DSEL: variants seen among roughly 807,000 people sequenced by gnomAD.
The protein encoded by DSEL is dermatan sulfate epimerase like, also known as dermatan-sulfate epimerase-like protein.
Under a neutral mutation model 96.6 loss-of-function variants are expected in DSEL, and 61 were observed. The observed-to-expected ratio is 0.63, with a 90% confidence interval of 0.51 to 0.78. The LOEUF (loss-of-function observed/expected upper bound fraction) is 0.78. DSEL is among the 30% of genes least tolerant of loss of function. DSEL has a pLI of 0.00. For synonymous variants in DSEL, 514 were observed against 502.0 expected, an observed-to-expected ratio of 1.02 and a Z score of -0.32; for missense variants, 1,320 against 1,430.8, an observed-to-expected ratio of 0.92 and a Z score of 1.25.
rs369820448 is a variant in DSEL at position 67,514,375 on chromosome 18, C to T, written c.234G>A (p.Lys78=). ...AAAGATGCAAATGGCTTGCACGAGACTTTTGTCTCATTGCTTGGATTTCTC... is the reference window on the plus strand; with the variant it reads ...AAAGATGCAAATGGCTTGCACGAGATTTTTGTCTCATTGCTTGGATTTCTC... ...DAGEIQAMRQ[K]SRASHLHLFR... is the part of the protein sequence containing the mutation. Residue 78 remains lysine (K), a synonymous_variant, in exon 2 of 2, where the codon AAG becomes AAA. Transcript: ENST00000310045. 9 of 1,614,178 alleles carry T rather than the reference C, an allele frequency of 5.6e-6. No individual in the cohort carries two copies. Among genetic ancestry groups the T allele is most frequent in the Non-Finnish European group, 6.8e-6 (8 of 1,180,028 alleles).
At position 67,516,682 on chromosome 18, in the gene DSEL, G is replaced by C. The variant is rs1480671; in HGVS notation, c.-1206C>G. On this transcript the variant is annotated 5_prime_UTR_variant, in exon 1 of 2. Transcript: ENST00000310045. The surrounding 1 kb of genome is among the most constrained non-coding windows in gnomAD (Gnocchi z 5.6). ...GCCGTATCCAGAGCAGCGCCCGCGT[G>C]CCCAGGCGGTGATGTCGCCGCGGCC... 48,491 of 150,650 alleles carry C rather than the reference G, an allele frequency of 0.32. 8,161 individuals carry two copies. Among genetic ancestry groups the C allele is most frequent in the South Asian group, 0.44 (2,077 of 4,750 alleles). The allele number at this position is 150,650 out of a possible 1,614,324, so 9.3% of individuals were successfully genotyped here. A position where few individuals can be genotyped will look rare whatever the true frequency, so the allele number is the denominator to read the frequency against.
In DSEL at chr18:67,511,157, G is replaced by A; in HGVS notation, c.3452C>T (p.Pro1151Leu). 2.5e-6 allele frequency: 4 copies of A among 1,614,100 alleles called. No individual in the cohort carries two copies. The highest frequency in any genetic ancestry group is 3.3e-4 in the Middle Eastern group (2 of 6,060). ...AAACAATATTTGGTTTAAACTAGCAGGAGACAAAGGAATTCCAAGAAAGGC... is the reference window on the plus strand; with the variant it reads ...AAACAATATTTGGTTTAAACTAGCAAGAGACAAAGGAATTCCAAGAAAGGC... ...IFAFLGIPLS[P>L]ASLNQILFAT... Residue 1151 changes from proline to leucine, a missense_variant, in exon 2 of 2, where the codon CCT becomes CTT. Pro to Leu is a moderately conservative substitution (Grantham distance 98). Transcript: ENST00000310045.
At chr18:67,515,578 A>ATCACT (rs2089470996) in intron 1 of DSEL, 86 bp from the exon 2 acceptor site, 1 of 157,392 alleles carries the variant, frequency 6.4e-6, no homozygotes, top group Non-Finnish European at 1.5e-5. Context: ...ACATTCTGCA[A>ATCACT]TCACTTAATA....
In DSEL at chr18:67,511,667, T is replaced by C. The variant is rs757975228; in HGVS notation, c.2942A>G (p.Asp981Gly). 1 of 1,614,146 alleles carries C rather than the reference T, an allele frequency of 6.2e-7. No homozygotes were observed. Among genetic ancestry groups the C allele is most frequent in the Non-Finnish European group, 8.5e-7 (1 of 1,180,012 alleles). ...RSQMKGAFDR[D>G]AEYIRALRRH... is the part of the protein sequence containing the mutation. ...CCTCAAAGCCCTAATATATTCAGCATCTCTATCAAAGGCGCCTTTCATTTG... is the reference window on the plus strand; with the variant it reads ...CCTCAAAGCCCTAATATATTCAGCACCTCTATCAAAGGCGCCTTTCATTTG... Residue 981 changes from aspartate to glycine, a missense_variant, in exon 2 of 2, where the codon GAT becomes GGT. Transcript: ENST00000310045.
chr18:67,511,243 G>C lies in DSEL; in HGVS notation c.3366C>G (p.Tyr1122Ter). The C allele has an allele frequency of 6.2e-7, 1 of 1,613,050 alleles. No homozygotes were observed. Among genetic ancestry groups the C allele is most frequent in the Non-Finnish European group, 8.5e-7 (1 of 1,180,006 alleles). The part of the protein sequence containing the change: ...RINTDLLPTS[Y>*]QLVKFEDIVH... ...CAATATCTTCAAACTTGACCAGCTG[G>C]TAGCTAGTAGGCAGCAAATCTGTAT... Residue 1122 changes from tyrosine (Y) to a stop codon, truncating the protein, a stop_gained, in exon 2 of 2, where the codon TAC (tyrosine) becomes TAG (stop). Transcript: ENST00000310045. LOFTEE classifies it high-confidence loss of function.
rs773918044 is a variant in DSEL at position 67,511,393 on chromosome 18, G to C, written c.3216C>G (p.Asn1072Lys). Residue 1072 changes from asparagine (N) to lysine (K), a missense_variant, in exon 2 of 2, where the codon AAC becomes AAG. Coordinates refer to ENST00000310045, the MANE Select transcript of DSEL (RefSeq NM_032160.3). ...FKIEGGKGKC[N>K]LNSGYAFEYE... ...ACTCGAAAGCATAACCCGAATTTAA[G>C]TTACATTTGCCTTTACCTCCCTCTA... The C allele has an allele frequency of 1.1e-5, 17 of 1,603,136 alleles. No homozygotes were observed. The highest frequency in any genetic ancestry group is 1.4e-5 in the Non-Finnish European group (16 of 1,179,946).
Position 67,513,833 on chromosome 18 carries a change from T to C in DSEL, c.776A>G (p.Glu259Gly). Residue 259 changes from glutamate (E) to glycine (G), a missense_variant, in exon 2 of 2, where the codon GAA (glutamate) becomes GGA (glycine). Glu to Gly is a moderately conservative substitution (Grantham distance 98, BLOSUM62 -2). Transcript: ENST00000310045. The stretch of plus-strand genomic sequence containing the variant: ...ATGATTCAATAGAAACATTGTCTTT[T>C]CCATGACATCCACTACAGCCTGTTT... ...IWKQAVVDVM[E>G]KTMFLLNHIV... 6.2e-7 allele frequency: 1 copy of C among 1,614,198 alleles called. No homozygotes were observed. The highest frequency in any genetic ancestry group is 8.5e-7 in the Non-Finnish European group (1 of 1,180,036).
At position 67,511,908 on chromosome 18, in the gene DSEL, C is replaced by T. The variant is rs764088790; in HGVS notation, c.2701G>A (p.Val901Ile). ...GACACCTTCCATTCACAAGCATCTA[C>T]AAATGAGTCGATTTCCAACTCAGTT... ...PETELEIDSF[V>I]DACEWKVSDI... is the part of the protein sequence containing the mutation. The change falls in exon 2 of 2, where the codon GTA becomes ATA. Residue 901 changes from valine (V) to isoleucine (I), a missense_variant. Physicochemically the swap from Val to Ile is conservative, Grantham distance 29 (BLOSUM62 3). Around this residue, in one of 3 missense-constraint regions of DSEL, gnomAD observed 986 missense variants for 1,066.4 expected, o/e 0.92. Coordinates refer to ENST00000310045, the MANE Select transcript of DSEL (RefSeq NM_032160.3). 7 of 1,614,060 alleles carry T rather than the reference C, an allele frequency of 4.3e-6. No homozygotes were observed. The highest frequency in any genetic ancestry group is 2.7e-5 in the African/African-American group (2 of 74,932).
chr18:67,512,859 C>T lies in DSEL; in HGVS notation c.1750G>A (p.Val584Ile), dbSNP rs776060679. The change falls in exon 2 of 2, where the codon GTT (valine) becomes ATT (isoleucine). Residue 584 changes from valine (V) to isoleucine (I), a missense_variant. Val to Ile is a conservative substitution (Grantham distance 29). This residue lies in a region of DSEL where 986 missense variants were observed against 1,066.4 expected (regional missense o/e 0.92). Transcript: ENST00000310045. ...LLLNSQTLLV[V>I]DHIERQEDSP... ...TCTTCTTGCCTCTCAATATGATCAA[C>T]AACTAGCAGAGTTTGGGAATTTAAG... The T allele has an allele frequency of 1.2e-6, 2 of 1,614,018 alleles. No individual in the cohort carries two copies. The highest frequency in any genetic ancestry group is 1.3e-5 in the African/African-American group (1 of 74,936).
At position 67,512,790 on chromosome 18, in the gene DSEL, T is replaced by C. The variant is rs1226744685; in HGVS notation, c.1819A>G (p.Ile607Val). 4 of 1,613,950 alleles carry C rather than the reference T, an allele frequency of 2.5e-6. No homozygotes were observed. Among genetic ancestry groups the C allele is most frequent in the South Asian group, 2.2e-5 (2 of 91,072 alleles). Residue 607 changes from isoleucine (I) to valine (V), a missense_variant, in exon 2 of 2, where the codon ATT (isoleucine) becomes GTT (valine). Coordinates refer to ENST00000310045, the MANE Select transcript of DSEL (RefSeq NM_032160.3). ...TTATATGGGATATATTTAAAATCAA[T>C]ATCCAAATTATGAAAGAAGGCACTG... ...SVSAFFHNLDIDFKYIPYKFM... is the reference protein window; with the variant it reads ...SVSAFFHNLDVDFKYIPYKFM...
In DSEL at chr18:67,514,631, T is replaced by A. The variant is rs1349014121; in HGVS notation, c.-23A>T. 1.9e-6 allele frequency: 3 copies of A among 1,611,564 alleles called. No individual in the cohort carries two copies. Among genetic ancestry groups the A allele is most frequent in the Non-Finnish European group, 2.5e-6 (3 of 1,178,794 alleles). On this transcript the variant is annotated 5_prime_UTR_variant, in exon 2 of 2. In the 5' UTR this introduces an upstream ATG that the reference lacks. Coordinates refer to ENST00000310045, the MANE Select transcript of DSEL (RefSeq NM_032160.3). ...CATGATCCATGGGGGAGCTCCTCCC[T>A]TAGGCATACATGTCAGATATGATGC...
chr18:67,511,482 T>G lies in DSEL; in HGVS notation c.3127A>C (p.Asn1043His), dbSNP rs749114153. The G allele has an allele frequency of 1.9e-6, 3 of 1,611,928 alleles. No individual in the cohort carries two copies. The African/African-American group carries it at 4.0e-5, about 21-fold the overall frequency. The change falls in exon 2 of 2, where the codon AAT (asparagine) becomes CAT (histidine). Residue 1043 changes from asparagine to histidine, a missense_variant. Physicochemically the swap from Asn to His is moderately conservative, Grantham distance 68 (BLOSUM62 1). This residue lies in a region of DSEL where 986 missense variants were observed against 1,066.4 expected (regional missense o/e 0.92). Coordinates refer to ENST00000310045, the MANE Select transcript of DSEL (RefSeq NM_032160.3). ...AAAGAATAAAGACTTGGTTTACTAT[T>G]GTACAACATTGAATAAATCCATGCC... ...PRAWIYSMLY[N>H]SKPSLYSLKN...
In DSEL at chr18:67,511,472, G is replaced by A. The variant is rs2089441882; in HGVS notation, c.3137C>T (p.Pro1046Leu). The A allele has an allele frequency of 6.2e-7, 1 of 1,610,524 alleles. No homozygotes were observed. Among genetic ancestry groups the A allele is most frequent in the Admixed American group, 1.7e-5 (1 of 60,014 alleles). The part of the protein sequence containing the change: ...WIYSMLYNSK[P>L]SLYSLKNVPE... ...TACATTCTTCAAAGAATAAAGACTT[G>A]GTTTACTATTGTACAACATTGAATA... Residue 1046 changes from proline (P) to leucine (L), a missense_variant, in exon 2 of 2, where the codon CCA becomes CTA. Physicochemically the swap from Pro to Leu is moderately conservative, Grantham distance 98. Around this residue, in one of 3 missense-constraint regions of DSEL, gnomAD observed 986 missense variants for 1,066.4 expected, o/e 0.92. Coordinates refer to ENST00000310045, the MANE Select transcript of DSEL (RefSeq NM_032160.3).
rs1197328981 is a variant in DSEL, at chr18:67,509,798, A to T, written c.*1172T>A. The T allele has an allele frequency of 6.6e-6, 1 of 152,630 alleles. No homozygotes were observed. Among genetic ancestry groups the T allele is most frequent in the Non-Finnish European group, 1.5e-5 (1 of 68,028 alleles). The allele number at this position is 152,630 out of a possible 1,614,324, so 9.5% of individuals were successfully genotyped here. A position where few individuals can be genotyped will look rare whatever the true frequency, so the allele number is the denominator to read the frequency against. Reference sequence around the variant, plus strand: ...TAATGGCGTAGCATTTTGATTTCAGAGCCTACCAAAATAAAATAAACCACA... The same window carrying T: ...TAATGGCGTAGCATTTTGATTTCAGTGCCTACCAAAATAAAATAAACCACA... On this transcript the variant is annotated 3_prime_UTR_variant, in exon 2 of 2. Transcript: ENST00000310045.
At position 67,512,077 on chromosome 18, in the gene DSEL, A is replaced by C. The variant is rs770039428; in HGVS notation, c.2532T>G (p.Ser844=). The change falls in exon 2 of 2, where the codon TCT becomes TCG. Residue 844 remains serine (S), a synonymous_variant. Transcript: ENST00000310045. ...TEAEGSKKSL[S]SEGHHMDLPD... is the part of the protein sequence containing the mutation. The stretch of plus-strand genomic sequence containing the variant: ...GAAGATCCATGTGGTGCCCTTCAGA[A>C]GACAAAGACTTCTTGCTTCCCTCAG... 2 of 1,614,184 alleles carry C rather than the reference A, an allele frequency of 1.2e-6. No homozygotes were observed. Among genetic ancestry groups the C allele is most frequent in the Admixed American group, 3.3e-5 (2 of 60,016 alleles).
At position 67,510,362 on chromosome 18, in the gene DSEL, TC is replaced by T. The variant is rs1401397889; in HGVS notation, c.*607del. The T allele has an allele frequency of 4.6e-5, 7 of 152,304 alleles. No individual in the cohort carries two copies. Among genetic ancestry groups the T allele is most frequent in the Admixed American group, 6.5e-5 (1 of 15,294 alleles). 9.4% of individuals were successfully genotyped at this position (152,304 alleles called of 1,614,324 possible). A position where few individuals can be genotyped will look rare whatever the true frequency, so the allele number is the denominator to read the frequency against. ...AGGCTTTTAAAGTCAGTTTCCGACC[TC>T]AAAAAAACATATTCATTCTGTATTT... On this transcript the variant is annotated 3_prime_UTR_variant, in exon 2 of 2. Coordinates refer to ENST00000310045, the MANE Select transcript of DSEL (RefSeq NM_032160.3).
rs1324559637 is a variant in DSEL at position 67,508,448 on chromosome 18, C to G, written c.*2522G>C. On this transcript the variant is annotated 3_prime_UTR_variant, in exon 2 of 2. Coordinates refer to ENST00000310045, the MANE Select transcript of DSEL (RefSeq NM_032160.3). ...CAGCAAACTTTCTATTTTAGAATAACTAAATAGTAGGGTTCATGTCTAAAA... is the reference window on the plus strand; with the variant it reads ...CAGCAAACTTTCTATTTTAGAATAAGTAAATAGTAGGGTTCATGTCTAAAA... The G allele has an allele frequency of 1.3e-5, 2 of 152,180 alleles. No homozygotes were observed. The highest frequency in any genetic ancestry group is 6.6e-5 in the Admixed American group (1 of 15,266). 9.4% of individuals were successfully genotyped at this position (152,180 alleles called of 1,614,324 possible). A position where few individuals can be genotyped will look rare whatever the true frequency, so the allele number is the denominator to read the frequency against.
rs1326427799 is a variant in DSEL, at chr18:67,513,267, T to A, written c.1342A>T (p.Ile448Leu). The A allele has an allele frequency of 1.2e-6, 2 of 1,614,198 alleles. No homozygotes were observed. Among genetic ancestry groups the A allele is most frequent in the African/African-American group, 1.3e-5 (1 of 75,050 alleles). Residue 448 changes from isoleucine to leucine, a missense_variant, in exon 2 of 2, where the codon ATA becomes TTA. By Grantham distance (5) the Ile-to-Leu change is conservative. Transcript: ENST00000310045. ...GKLGGRAVYD[I>L]VHFQPYSWID... is the part of the protein sequence containing the mutation. ...CAGGAATATGGCTGAAAATGAACTATGTCATACACAGCTCGTCCCCCCAGC... is the reference window on the plus strand; with the variant it reads ...CAGGAATATGGCTGAAAATGAACTAAGTCATACACAGCTCGTCCCCCCAGC...
rs1274105369 is a variant in DSEL at position 67,511,405 on chromosome 18, T to G, written c.3204A>C (p.Lys1068Asn). 1 of 1,603,672 alleles carries G rather than the reference T, an allele frequency of 6.2e-7. No individual in the cohort carries two copies. Among genetic ancestry groups the G allele is most frequent in the Non-Finnish European group, 8.5e-7 (1 of 1,179,962 alleles). The stretch of plus-strand genomic sequence containing the variant: ...AACCCGAATTTAAGTTACATTTGCC[T>G]TTACCTCCCTCTATTTTAAACAATT... ...LAKLFKIEGG[K>N]GKCNLNSGYA... The change falls in exon 2 of 2, where the codon AAA (lysine) becomes AAC (asparagine). Residue 1068 changes from lysine (K) to asparagine (N), a missense_variant. Around this residue, in one of 3 missense-constraint regions of DSEL, gnomAD observed 986 missense variants for 1,066.4 expected, o/e 0.92. Coordinates refer to ENST00000310045, the MANE Select transcript of DSEL (RefSeq NM_032160.3).
Sources: gnomAD v4.1 joint callset for allele counts on GRCh38, gnomAD v4.1.1 for gene constraint, gnomAD v4.1.1 regional missense constraint, Gnocchi (gnomAD v3.1) non-coding constraint, MANE v1.5 for transcripts, NCBI Gene and HGNC (gene_info 2026-07-23, HGNC 2026-07-21) for gene names.